The following CERS6 variants were observed in gnomAD, a reference collection of about 807,000 sequenced individuals.
The protein encoded by CERS6 is LAG1 homolog, ceramide synthase 6.
CERS6 carries 26 observed loss-of-function variants against 56.8 expected under a neutral mutation model. The ratio of observed to expected loss-of-function variants is 0.46; its 90% CI spans 0.34 to 0.63. The LOEUF (loss-of-function observed/expected upper bound fraction) is 0.63. CERS6 is among the 30% of genes least tolerant of loss of function. The pLI is 0.01. For synonymous variants in CERS6, 164 were observed against 173.3 expected (o/e 0.95, Z 0.42); for missense variants, 415 against 467.5 (o/e 0.89, Z 1.04).
intron 1 of CERS6, among the ~76,000 whole-genome samples, chr2:168,532,629 T>C (rs1396507177): frequency 7.9e-5 from 12 of 152,204 alleles, no homozygotes; most frequent in Non-Finnish European, 1.8e-4. Flanking sequence ...ATGTTAGATT[T>C]TTGTATCATT....
In CERS6 at chr2:168,705,784, G is replaced by A. The variant is rs144497383; in HGVS notation, c.610-9217G>A. 1.9e-4 allele frequency among the ~76,000 whole-genome samples: 29 copies of A among 152,208 alleles called. 1 individual carries two copies. In the East Asian group the frequency reaches 3.7e-3, roughly 19 times the overall value. The stretch of plus-strand genomic sequence containing the variant: ...TGATCATTCTGGATGTTTTCAGCCC[G>A]AATGGGTTTATTTGATATCATAAAG... On this transcript the variant is annotated intron_variant, in intron 6 of 9. Transcript: ENST00000305747.
chr2:168,621,273 C>T (rs1256230027), intron 3 of CERS6, among the ~76,000 whole-genome samples: 1 of 152,130 alleles, frequency 6.6e-6, no homozygotes, highest in Non-Finnish European at 1.5e-5. Flanking sequence ...GTGACCTTTG[C>T]CAGTGCATGT....
At chr2:168,686,518 G>A (rs980611022) in intron 4 of CERS6, among the ~76,000 whole-genome samples, 2 of 151,276 alleles carry the variant, frequency 1.3e-5, no homozygotes, top group African/African-American at 4.8e-5. Context: ...ATTGAGTTAT[G>A]TAACAGTAAG....
At chr2:168,706,326 TAACTA>T (rs1295003639) in intron 6 of CERS6, among the ~76,000 whole-genome samples, 1 of 152,180 alleles carries the variant, frequency 6.6e-6, no homozygotes, top group Admixed American at 6.5e-5. Flanking sequence ...GGTGATAAAA[TAACTA>T]AAGATTAAAT....
At chr2:168,462,492 T>C (rs1693796241) in intron 1 of CERS6, among the ~76,000 whole-genome samples, 1 of 152,230 alleles carries the variant, frequency 6.6e-6, no homozygotes, top group Non-Finnish European at 1.5e-5. Context: ...CACCATAATC[T>C]TTATTGACAT....
chr2:168,487,618 A>G (rs550565945), intron 1 of CERS6, among the ~76,000 whole-genome samples: 37 of 152,318 alleles, frequency 2.4e-4, no homozygotes, highest in African/African-American at 8.7e-4. Flanking sequence ...CTTACCCAAA[A>G]TCTACATTTA....
At chr2:168,626,079 C>G (rs1031443) in intron 3 of CERS6, among the ~76,000 whole-genome samples, 95,835 of 152,066 alleles carry the variant, frequency 0.63, 32,457 homozygotes, top group Middle Eastern at 0.77. Context: ...CTGACTTTCT[C>G]TCTTACTAGC....
chr2:168,685,825 C>T (rs1282083604), intron 4 of CERS6, among the ~76,000 whole-genome samples: 2 of 151,696 alleles, frequency 1.3e-5, no homozygotes, highest in Non-Finnish European at 1.5e-5. Flanking sequence ...TGAGTTATGT[C>T]TCAATTGATG....
At chr2:168,516,440 C>T (rs1168508213) in intron 1 of CERS6, among the ~76,000 whole-genome samples, 2 of 151,840 alleles carry the variant, frequency 1.3e-5, no homozygotes, top group Admixed American at 6.6e-5. Context: ...GAGTGTATAG[C>T]GATTAAGGGA....
At chr2:168,565,344 G>A (rs1374572237) in intron 3 of CERS6, among the ~76,000 whole-genome samples, 2 of 152,154 alleles carry the variant, frequency 1.3e-5, no homozygotes, top group African/African-American at 4.8e-5. Context: ...GATGACTCAG[G>A]TGGAGTCTGA....
At chr2:168,498,675 C>T (rs771330659) in intron 1 of CERS6, among the ~76,000 whole-genome samples, 8 of 152,154 alleles carry the variant, frequency 5.3e-5, no homozygotes, top group Non-Finnish European at 1.0e-4. Context: ...ACACAATAGC[C>T]GTTTGTGTGC....
In CERS6 at chr2:168,684,122, C is replaced by G. The variant is rs139278390; in HGVS notation, c.466-6912C>G. Among the ~76,000 whole-genome samples the G allele has an allele frequency of 3.8e-3, 573 of 152,244 alleles. 4 individuals carry two copies. The highest frequency in any genetic ancestry group is 0.013 in the African/African-American group (544 of 41,538). On this transcript the variant is annotated intron_variant, in intron 4 of 9. Transcript: ENST00000305747. ...CACATGCTAGACCAGGTCTAGAGGA[C>G]TAGTATCCTTTTTAAAGCCTGATCA...
intron 3 of CERS6, among the ~76,000 whole-genome samples, chr2:168,595,370 TC>T (rs1683773998): frequency 6.6e-6 from 1 of 152,184 alleles, no homozygotes; most frequent in Admixed American, 6.6e-5. Flanking sequence ...AGCCCACACT[TC>T]CCTTTCATGT....
chr2:168,481,132 C>A (rs180925756), intron 1 of CERS6, among the ~76,000 whole-genome samples: 140 of 152,182 alleles, frequency 9.2e-4, no homozygotes, highest in South Asian at 3.7e-3. Flanking sequence ...GTTGGCCAGG[C>A]TGGCCGGGCG....
chr2:168,691,196 C>T (rs1322910718), intron 5 of CERS6, 112 bp downstream of exon 5: 2 of 861,496 alleles, frequency 2.3e-6, no homozygotes, highest in Non-Finnish European at 4.0e-6. Flanking sequence ...CATTTTTGGC[C>T]CCACTCCCGC....
intron 6 of CERS6, among the ~76,000 whole-genome samples, chr2:168,704,897 C>T (rs1046943382): frequency 4.6e-5 from 7 of 152,266 alleles, no homozygotes; most frequent in African/African-American, 1.2e-4. Flanking sequence ...CGCACCCGGC[C>T]GCACCTTTGT....
intron 8 of CERS6, among the ~76,000 whole-genome samples, chr2:168,732,574 C>G (rs1257901375): frequency 6.6e-6 from 1 of 152,240 alleles, no homozygotes; most frequent in Admixed American, 6.5e-5. Context: ...CACACATACT[C>G]TACCTAATTC....
At chr2:168,499,398 A>G (rs1243387490) in intron 1 of CERS6, among the ~76,000 whole-genome samples, 2 of 152,230 alleles carry the variant, frequency 1.3e-5, no homozygotes, top group African/African-American at 2.4e-5. Flanking sequence ...AAGCATTTTG[A>G]TCATCAGAAA....
intron 4 of CERS6, among the ~76,000 whole-genome samples, chr2:168,668,844 G>C (rs1362965892): frequency 6.6e-6 from 1 of 152,098 alleles, no homozygotes; most frequent in East Asian, 1.9e-4. Flanking sequence ...TTACTTTATT[G>C]CTTCAGCATA....
Sources: allele counts gnomAD v4.1 joint callset (sites outside exome capture counted in the v4.1 genomes callset), GRCh38; gene constraint gnomAD v4.1.1; transcripts MANE v1.5; gene names NCBI Gene and HGNC (gene_info 2026-07-23, HGNC 2026-07-21).